Variants in PPP2R2C observed in about 807,000 individuals in gnomAD.
PPP2R2C encodes protein phosphatase 2, regulatory subunit B, gamma.
PPP2R2C carries 10 observed loss-of-function variants against 45.3 expected under a neutral mutation model. The observed-to-expected ratio is 0.22, with a 90% CI of 0.14 to 0.37. The LOEUF (loss-of-function observed/expected upper bound fraction) is 0.37. Among genes scored for constraint, PPP2R2C ranks in the 10% least tolerant of loss-of-function variants. The pLI is 1.00. For missense variants in PPP2R2C, 308 were observed against 619.7 expected, an observed-to-expected ratio of 0.50 and a Z score of 5.34; for synonymous variants, 257 against 245.4, an observed-to-expected ratio of 1.05 and a Z score of -0.44.
rs1158595049 is a variant in PPP2R2C, at chr4:6,323,529, C to T, written c.1117G>A (p.Val373Met). ...RMFDRNTKRD[V>M]TLEASRESSK... ...CTTTCCCTCGAGGCCTCCAGGGTCA[C>T]GTCCCGCTTGGTGTTCCGATCGAAC... Residue 373 changes from valine (V) to methionine (M), a missense_variant, in exon 9 of 9, where the codon GTG becomes ATG. Coordinates refer to ENST00000382599, the MANE Select transcript of PPP2R2C (RefSeq NM_020416.4). 8 of 1,597,488 alleles carry T rather than the reference C, an allele frequency of 5.0e-6. No individual in the cohort carries two copies. Among genetic ancestry groups the T allele is most frequent in the Non-Finnish European group, 6.0e-6 (7 of 1,166,722 alleles).
intron 2 of PPP2R2C, among the ~76,000 whole-genome samples, chr4:6,479,486 A>G (rs2108777346): frequency 6.6e-6 from 1 of 151,136 alleles, no homozygotes; most frequent in Non-Finnish European, 1.5e-5. Context: ...ATATGCCAAG[A>G]CCCAGCAAAT....
chr4:6,415,664 TG>T (rs1718528832), intron 1 of PPP2R2C, among the ~76,000 whole-genome samples: 1 of 152,180 alleles, frequency 6.6e-6, no homozygotes, highest in South Asian at 2.1e-4. Context: ...AGCAGACTTC[TG>T]ACATTCAACC....
chr4:6,329,795 C>A lies in PPP2R2C; in HGVS notation c.961-442G>T, dbSNP rs925599724. Among the ~76,000 whole-genome samples, 31 of 152,200 alleles carry A rather than the reference C, an allele frequency of 2.0e-4. No homozygotes were observed. Among genetic ancestry groups the A allele is most frequent in the African/African-American group, 7.2e-4 (30 of 41,456 alleles). The stretch of plus-strand genomic sequence containing the variant: ...AACGCTCACAGCACAGGGGCCAGGA[C>A]CACCTGGGGTCCAGATCCTGGCTCT... On this transcript the variant is annotated intron_variant, in intron 7 of 8. Coordinates refer to ENST00000382599, the MANE Select transcript of PPP2R2C (RefSeq NM_020416.4). The surrounding 1 kb of genome is among the most constrained non-coding windows in gnomAD (Gnocchi z 5.8).
chr4:6,409,866 C>G (rs4282260), intron 1 of PPP2R2C, among the ~76,000 whole-genome samples: 2 of 152,224 alleles, frequency 1.3e-5, no homozygotes, highest in Middle Eastern at 3.4e-3. Context: ...AGACTTTCCC[C>G]TCTGCCTGGA....
chr4:6,394,365 A>C (rs539099248), intron 1 of PPP2R2C, among the ~76,000 whole-genome samples: 2 of 152,374 alleles, frequency 1.3e-5, no homozygotes, highest in East Asian at 3.9e-4. Context: ...GGCACCAAGA[A>C]ACTGCTAGAA....
chr4:6,456,841 C>T (rs2108752934), intron 1 of PPP2R2C, among the ~76,000 whole-genome samples: 1 of 152,340 alleles, frequency 6.6e-6, no homozygotes, highest in South Asian at 2.1e-4. Flanking sequence ...CGTGGAGGGC[C>T]CATGCGGTGA....
At chr4:6,411,358 G>C (rs999367019) in intron 1 of PPP2R2C, among the ~76,000 whole-genome samples, 1 of 151,994 alleles carries the variant, frequency 6.6e-6, no homozygotes, top group Middle Eastern at 3.2e-3. Context: ...ATGAATACTG[G>C]AGCTGATGGC....
intron 2 of PPP2R2C, among the ~76,000 whole-genome samples, chr4:6,533,198 C>T (rs1338753896): frequency 6.6e-6 from 1 of 152,186 alleles, no homozygotes; most frequent in Non-Finnish European, 1.5e-5. Context: ...CCTAAGAACA[C>T]ATGCCCGAGA....
intron 2 of PPP2R2C, among the ~76,000 whole-genome samples, chr4:6,511,810 G>A (rs1380670500): frequency 4.9e-5 from 1 of 20,430 alleles, no homozygotes; most frequent in Non-Finnish European, 1.2e-4. Flanking sequence ...GGTGGTGTTG[G>A]TGGTGGTGAT....
At chr4:6,472,699 G>A (rs928179743), upstream of PPP2R2C, among the ~76,000 whole-genome samples, 12 of 151,516 alleles carry the variant, frequency 7.9e-5, no homozygotes, top group Non-Finnish European at 1.8e-4. Context: ...CCCTGCAGGT[G>A]GAGCCGGCGC....
At chr4:6,434,102 T>A (rs990391998) in intron 1 of PPP2R2C, among the ~76,000 whole-genome samples, 1 of 152,208 alleles carries the variant, frequency 6.6e-6, no homozygotes, top group African/African-American at 2.4e-5. Flanking sequence ...GTTTTAATCA[T>A]AAAGCATGTC....
rs562620191 is a variant in PPP2R2C at position 6,411,294 on chromosome 4, T to C, written c.71-30200A>G. 2.6e-3 allele frequency among the ~76,000 whole-genome samples: 393 copies of C among 152,140 alleles called. 3 individuals are homozygous for C. The highest frequency in any genetic ancestry group is 4.8e-3 in the Non-Finnish European group (328 of 67,972). On this transcript the variant is annotated intron_variant, in intron 1 of 8. Coordinates refer to ENST00000382599, the MANE Select transcript of PPP2R2C (RefSeq NM_020416.4). ...GCCCCTGCAATCCTCCTCCTCACCA[T>C]TGCACCTTTCAGCCCCACTAGGAGG... is the stretch of plus-strand genomic sequence containing the variant.
chr4:6,488,240 G>A (rs1287541880), intron 2 of PPP2R2C, among the ~76,000 whole-genome samples: 2 of 152,120 alleles, frequency 1.3e-5, no homozygotes, highest in African/African-American at 2.4e-5. Context: ...CCTTCATTAT[G>A]ATTTGCATTT....
intron 1 of PPP2R2C, chr4:6,382,055 G>A: frequency 4.3e-6 from 6 of 1,403,108 alleles, no homozygotes; most frequent in Non-Finnish European, 5.5e-6. Context: ...CCTGAGGCCT[G>A]CTCCACCAAC....
chr4:6,372,890 C>T (rs1405348223), intron 4 of PPP2R2C, among the ~76,000 whole-genome samples, 190 bp from the exon 5 acceptor site: 1 of 152,224 alleles, frequency 6.6e-6, no homozygotes, highest in Non-Finnish European at 1.5e-5. Flanking sequence ...GCAAGAGAGG[C>T]ATGGATGCTT....
intron 1 of PPP2R2C, among the ~76,000 whole-genome samples, chr4:6,395,867 G>C (rs922565907): frequency 1.1e-4 from 16 of 152,160 alleles, no homozygotes; most frequent in Admixed American, 9.8e-4. Context: ...TCCCCAGCTG[G>C]TGTGAGTCCC....
chr4:6,370,460 G>T (rs1714714227), intron 5 of PPP2R2C, among the ~76,000 whole-genome samples: 1 of 152,212 alleles, frequency 6.6e-6, no homozygotes. Context: ...GTTGGGGGCG[G>T]AGCTGACTCC....
At chr4:6,389,276 C>T (rs553182845) in intron 1 of PPP2R2C, among the ~76,000 whole-genome samples, 1 of 152,334 alleles carries the variant, frequency 6.6e-6, no homozygotes, top group South Asian at 2.1e-4. Context: ...TGAAGATGCT[C>T]GTCACGGACT....
chr4:6,337,961 A>AT (rs1032510943), intron 6 of PPP2R2C, among the ~76,000 whole-genome samples: 9 of 151,920 alleles, frequency 5.9e-5, no homozygotes, highest in African/African-American at 1.9e-4. Context: ...GATACAATAG[A>AT]TTTTTTTCCA....
Sources: gnomAD v4.1 joint callset for allele counts (sites outside exome capture counted in the v4.1 genomes callset) on GRCh38, gnomAD v4.1.1 for gene constraint, Gnocchi (gnomAD v3.1) non-coding constraint, MANE v1.5 for transcripts, NCBI Gene and HGNC (gene_info 2026-07-23, HGNC 2026-07-21) for gene names.